LSAMP: variants seen among roughly 807,000 people sequenced by gnomAD.
LSAMP encodes the protein limbic system-associated membrane protein.
Under a neutral mutation model 38.6 loss-of-function variants are expected in LSAMP, and 7 were observed. The ratio of observed to expected loss-of-function variants is 0.18; its 90% CI spans 0.10 to 0.34. LSAMP has a LOEUF of 0.34. Among genes scored for constraint, LSAMP ranks in the 10% least tolerant of loss-of-function variants. The pLI is 1.00. For synonymous variants in LSAMP, 154 were observed against 166.8 expected (o/e 0.92, Z 0.59); for missense variants, 313 against 420.0 (o/e 0.75, Z 2.23).
chr3:116,271,702 A>G (rs1184852822), intron 1 of LSAMP, among the ~76,000 whole-genome samples: 1 of 152,046 alleles, frequency 6.6e-6, no homozygotes, highest in East Asian at 1.9e-4. Flanking sequence ...AATATAATCG[A>G]CTTTGTGGAC....
intron 3 of LSAMP, among the ~76,000 whole-genome samples, chr3:115,939,606 G>A (rs1576237890): frequency 9.2e-6 from 1 of 108,286 alleles, no homozygotes; most frequent in East Asian, 2.9e-4. Flanking sequence ...AGGCTGGAGT[G>A]CAGTGGTGTG....
chr3:115,963,347 G>C (rs1938691853), intron 3 of LSAMP, among the ~76,000 whole-genome samples: 1 of 152,152 alleles, frequency 6.6e-6, no homozygotes, highest in African/African-American at 2.4e-5. Context: ...GCCTTCACAT[G>C]CTTATTTATT....
In LSAMP at chr3:116,209,133, G is replaced by T. The variant is rs555988323; in HGVS notation, c.156-122577C>A. ...CGTTTTTTAAGCCGGTCCGAAAAGC[G>T]CAGTATTCGGGTGGGAGTGACCCGA... On this transcript the variant is annotated intron_variant, in intron 1 of 6. Transcript: ENST00000490035. 2.6e-5 allele frequency among the ~76,000 whole-genome samples: 4 copies of T among 152,312 alleles called. No individual in the cohort carries two copies. The East Asian group carries it at 7.7e-4, about 29-fold the overall frequency.
At chr3:115,849,235 GA>G (rs1325812644) in intron 4 of LSAMP, among the ~76,000 whole-genome samples, 2 of 152,172 alleles carry the variant, frequency 1.3e-5, no homozygotes, top group Admixed American at 6.5e-5. Context: ...CTACCACTTA[GA>G]AAACAGATTT....
intron 1 of LSAMP, among the ~76,000 whole-genome samples, chr3:116,100,955 C>A (rs1178392627): frequency 6.6e-6 from 1 of 152,182 alleles, no homozygotes. Flanking sequence ...GTGATTCATT[C>A]TCTCCAATTT....
chr3:116,101,701 C>G (rs906274994), intron 1 of LSAMP, among the ~76,000 whole-genome samples: 4 of 152,210 alleles, frequency 2.6e-5, no homozygotes, highest in African/African-American at 9.6e-5. Flanking sequence ...ATCATCCAAA[C>G]AGTAAATTAA....
chr3:115,817,638 A>G (rs1440721492), intron 6 of LSAMP, among the ~76,000 whole-genome samples: 1 of 152,186 alleles, frequency 6.6e-6, no homozygotes, highest in East Asian at 1.9e-4. Flanking sequence ...CTCAGATAGA[A>G]GAGCCCAAAC....
chr3:116,030,817 T>G (rs1940901589), intron 2 of LSAMP, among the ~76,000 whole-genome samples: 1 of 152,144 alleles, frequency 6.6e-6, no homozygotes, highest in Admixed American at 6.6e-5. Context: ...GAAAGGAAGT[T>G]GCATGGTATA....
chr3:115,808,289 T>G lies in LSAMP; in HGVS notation c.*2028A>C, dbSNP rs1267796283. 6.6e-6 allele frequency: 1 copy of G among 151,664 alleles called. No homozygotes were observed. The highest frequency in any genetic ancestry group is 2.4e-5 in the African/African-American group (1 of 41,206). 9.4% of individuals were successfully genotyped at this position (151,664 alleles called of 1,614,324 possible). On this transcript the variant is annotated 3_prime_UTR_variant, in exon 7 of 7. Coordinates refer to ENST00000490035, the MANE Select transcript of LSAMP (RefSeq NM_002338.5). Reference sequence around the variant, plus strand: ...GGTTCCAACTTAATGACATACCATATTTGGCTCTGCAAGATTACATTCAAA... The same window carrying G: ...GGTTCCAACTTAATGACATACCATAGTTGGCTCTGCAAGATTACATTCAAA...
chr3:115,860,756 T>C (rs1164782699), intron 3 of LSAMP, among the ~76,000 whole-genome samples: 3 of 152,144 alleles, frequency 2.0e-5, no homozygotes, highest in Non-Finnish European at 4.4e-5. Context: ...GTAGACTTAG[T>C]ACTAGAGAAG....
At chr3:116,349,708 G>A (rs1181872433) in intron 1 of LSAMP, among the ~76,000 whole-genome samples, 1 of 151,846 alleles carries the variant, frequency 6.6e-6, no homozygotes, top group Non-Finnish European at 1.5e-5. Flanking sequence ...ATTATATCTG[G>A]TGCTAAGTGT....
Position 116,118,951 on chromosome 3 carries a change from G to A in LSAMP, c.156-32395C>T, listed in dbSNP as rs189633232. Among the ~76,000 whole-genome samples the A allele has an allele frequency of 1.4e-4, 21 of 152,278 alleles. 2 individuals are homozygous for A. Among genetic ancestry groups the A allele is most frequent in the African/African-American group, 4.6e-4 (19 of 41,556 alleles). On this transcript the variant is annotated intron_variant, in intron 1 of 6. Transcript: ENST00000490035. ...TGTGCATACAAATGCCCTGGGGATC[G>A]TTTAAAATGCAGATTCCAATTCAGT...
chr3:116,042,378 C>T (rs1055301441), intron 2 of LSAMP, among the ~76,000 whole-genome samples: 11 of 151,200 alleles, frequency 7.3e-5, no homozygotes, highest in East Asian at 1.9e-4. Flanking sequence ...TCTGTTCTAT[C>T]GGTCTTAAGA....
intron 1 of LSAMP, among the ~76,000 whole-genome samples, chr3:116,162,393 G>C (rs1033715098): frequency 2.0e-5 from 3 of 152,126 alleles, no homozygotes; most frequent in Non-Finnish European, 4.4e-5. Context: ...AGGGATTCTG[G>C]AACCAACACC....
intron 1 of LSAMP, among the ~76,000 whole-genome samples, chr3:116,264,196 C>A: frequency 6.6e-6 from 1 of 152,098 alleles, no homozygotes; most frequent in East Asian, 1.9e-4. Context: ...TCTCCCTGGT[C>A]TCTTACTCAA....
chr3:116,326,931 G>T (rs1441094576), intron 1 of LSAMP, among the ~76,000 whole-genome samples: 1 of 152,074 alleles, frequency 6.6e-6, no homozygotes, highest in Non-Finnish European at 1.5e-5. Flanking sequence ...CAAGGTCCAA[G>T]TTGAAACTGA....
chr3:116,190,557 C>T (rs1486639678), intron 1 of LSAMP, among the ~76,000 whole-genome samples: 17 of 152,108 alleles, frequency 1.1e-4, no homozygotes, highest in African/African-American at 3.6e-4. Flanking sequence ...GGCCTATTCA[C>T]TTTTTTACAA....
intron 3 of LSAMP, among the ~76,000 whole-genome samples, chr3:115,975,269 T>G (rs746921016): frequency 6.6e-6 from 1 of 151,898 alleles, no homozygotes; most frequent in Non-Finnish European, 1.5e-5. Flanking sequence ...AAAAATAGAA[T>G]TAAAAGAACC....
chr3:116,345,469 A>C (rs2048052939), intron 1 of LSAMP, among the ~76,000 whole-genome samples: 1 of 152,130 alleles, frequency 6.6e-6, no homozygotes, highest in Non-Finnish European at 1.5e-5. Flanking sequence ...CTTTTCTGTA[A>C]AGGAACAGAT....
Sources: gnomAD v4.1 joint callset for allele counts (sites outside exome capture counted in the v4.1 genomes callset) on GRCh38, gnomAD v4.1.1 for gene constraint, MANE v1.5 for transcripts, NCBI Gene and HGNC (gene_info 2026-07-23, HGNC 2026-07-21) for gene names.